The following FAM178B variants were observed in gnomAD, a reference collection of about 807,000 sequenced individuals.
The protein encoded by FAM178B is protein FAM178B.
FAM178B carries 82 observed loss-of-function variants against 91.7 expected under a neutral mutation model. That is an observed-to-expected ratio of 0.89 (90% CI 0.75 to 1.07). FAM178B has a LOEUF of 1.07. Ranked by LOEUF, FAM178B falls within the 50% of genes least tolerant of loss-of-function variation. FAM178B has a pLI of 0.00. For missense variants in FAM178B, 769 were observed against 846.7 expected, an observed-to-expected ratio of 0.91 and a Z score of 1.14; for synonymous variants, 368 against 359.4, an observed-to-expected ratio of 1.02 and a Z score of -0.27.
At chr2:96,882,385 C>G (rs1422941929) in intron 14 of FAM178B, among the ~76,000 whole-genome samples, 1 of 152,244 alleles carries the variant, frequency 6.6e-6, no homozygotes, top group Non-Finnish European at 1.5e-5. Flanking sequence ...TCCCTTCCCT[C>G]CAACGTGGCA....
chr2:96,891,612 C>T (rs910867357), intron 14 of FAM178B, among the ~76,000 whole-genome samples: 2 of 152,232 alleles, frequency 1.3e-5, no homozygotes, highest in Non-Finnish European at 2.9e-5. Flanking sequence ...AAAGGGACAA[C>T]TTTACTTGCC....
intron 12 of FAM178B, among the ~76,000 whole-genome samples, chr2:96,911,320 G>C (rs537252196): frequency 1.3e-5 from 2 of 152,334 alleles, no homozygotes; most frequent in East Asian, 3.9e-4. Flanking sequence ...TGAGGCTGAA[G>C]AGATGTGAAC....
At chr2:96,890,276 C>CTCAA (rs754173726) in intron 14 of FAM178B, among the ~76,000 whole-genome samples, 9 of 151,986 alleles carry the variant, frequency 5.9e-5, no homozygotes, top group African/African-American at 1.9e-4. Context: ...AAGACTCCGT[C>CTCAA]TCAATCAATC....
At chr2:96,929,070 A>G in intron 9 of FAM178B, 136 bp downstream of exon 9, 1 of 651,456 alleles carries the variant, frequency 1.5e-6, no homozygotes, top group South Asian at 1.8e-5. Flanking sequence ...AGGTGGGAGG[A>G]TCACTTGAGC....
intron 6 of FAM178B, 69 bp downstream of exon 6, chr2:96,960,219 C>T: frequency 6.6e-7 from 1 of 1,516,880 alleles, no homozygotes; most frequent in Non-Finnish European, 8.9e-7. Context: ...GGCCCTTATC[C>T]CTGGACTCCA....
chr2:96,904,752 C>A (rs1430352054), intron 12 of FAM178B, among the ~76,000 whole-genome samples: 1 of 151,910 alleles, frequency 6.6e-6, no homozygotes, highest in Admixed American at 6.6e-5. Context: ...GTACTCCACG[C>A]CTGCAGTCCC....
At chr2:96,901,362 CG>C (rs1231098962) in intron 13 of FAM178B, among the ~76,000 whole-genome samples, 1 of 151,342 alleles carries the variant, frequency 6.6e-6, no homozygotes, top group African/African-American at 2.4e-5. Flanking sequence ...TTAGTAGAGA[CG>C]GGGTTTCACC....
intron 6 of FAM178B, 86 bp downstream of exon 6, chr2:96,960,202 T>C: frequency 6.9e-7 from 1 of 1,449,204 alleles, no homozygotes; most frequent in Non-Finnish European, 9.2e-7. Context: ...ACTTCCCCCT[T>C]TGGGGTGGCC....
chr2:96,949,777 C>T (rs2153373290), intron 7 of FAM178B, among the ~76,000 whole-genome samples: 1 of 152,342 alleles, frequency 6.6e-6, no homozygotes, highest in Non-Finnish European at 1.5e-5. Context: ...GAACTCTGCA[C>T]TAACAGCGTG....
At chr2:96,901,935 T>C (rs2080941112) in intron 13 of FAM178B, among the ~76,000 whole-genome samples, 1 of 152,106 alleles carries the variant, frequency 6.6e-6, no homozygotes, top group African/African-American at 2.4e-5. Flanking sequence ...GTAGCTGAGA[T>C]TACAGGTGCC....
At chr2:96,962,024 T>TA (rs1444277475) in intron 5 of FAM178B, among the ~76,000 whole-genome samples, 3 of 152,232 alleles carry the variant, frequency 2.0e-5, no homozygotes, top group Non-Finnish European at 4.4e-5. Context: ...AACAAATTAT[T>TA]AAAAGCCTAG....
intron 6 of FAM178B, among the ~76,000 whole-genome samples, chr2:96,958,074 T>C (rs1251708741): frequency 1.3e-5 from 2 of 150,038 alleles, no homozygotes; most frequent in African/African-American, 4.9e-5. Context: ...AATCTTTTTT[T>C]TTTTTTTTTT....
At chr2:96,927,247 C>A (rs531826499) in intron 9 of FAM178B, among the ~76,000 whole-genome samples, 1 of 152,202 alleles carries the variant, frequency 6.6e-6, no homozygotes, top group African/African-American at 2.4e-5. Flanking sequence ...CCTCCTACCC[C>A]GAGGAAGACA....
At chr2:96,950,407 A>G (rs778059546) in intron 7 of FAM178B, among the ~76,000 whole-genome samples, 2 of 152,252 alleles carry the variant, frequency 1.3e-5, no homozygotes, top group Non-Finnish European at 2.9e-5. Context: ...GGTAAGGAGG[A>G]GCAAGGTGAA....
At chr2:96,885,509 G>T (rs550355467) in intron 14 of FAM178B, among the ~76,000 whole-genome samples, 1 of 152,250 alleles carries the variant, frequency 6.6e-6, no homozygotes, top group Non-Finnish European at 1.5e-5. Context: ...AGGCCATGGC[G>T]CATGGGGCTG....
At position 96,895,217 on chromosome 2, in the gene FAM178B, TC is replaced by T. The variant is rs967642757; in HGVS notation, c.1651-1167del. 1.9e-5 allele frequency: 14 copies of T among 735,356 alleles called. No individual in the cohort carries two copies. In the African/African-American group the frequency reaches 2.2e-4, roughly 12 times the overall value. The allele number at this position is 735,356 out of a possible 1,614,324, so 45.6% of individuals were successfully genotyped here. On this transcript the variant is annotated intron_variant, in intron 13 of 16. Transcript: ENST00000490605. ...AGCTTCTACAGAAAAGATAAGGATTTCCCCCCAATCTAATCATAATACCATT... is the reference window on the plus strand; with the variant it reads ...AGCTTCTACAGAAAAGATAAGGATTTCCCCCAATCTAATCATAATACCATT...
chr2:96,946,691 G>A (rs1045851077), intron 8 of FAM178B, among the ~76,000 whole-genome samples: 2 of 152,274 alleles, frequency 1.3e-5, no homozygotes, highest in African/African-American at 4.8e-5. Context: ...CTCAGCGGAG[G>A]AGACACATAC....
In FAM178B at chr2:96,905,812, A is replaced by G. The variant is rs1371854829; in HGVS notation, c.1563-3105T>C. On this transcript the variant is annotated intron_variant, in intron 12 of 16. Transcript: ENST00000490605. ...TATATATACACAAAAATATACATAT[A>G]TGTGTGTATATATATATATATATAT... Among the ~76,000 whole-genome samples, 356 of 68,474 alleles carry G rather than the reference A, an allele frequency of 5.2e-3. 5 individuals are homozygous for G. The highest frequency in any genetic ancestry group is 0.028 in the African/African-American group (287 of 10,330). The allele number at this position is 68,474 out of a possible 152,430, so 44.9% of individuals were successfully genotyped here.
intron 12 of FAM178B, among the ~76,000 whole-genome samples, chr2:96,919,158 GCA>G (rs2081291382): frequency 6.6e-6 from 1 of 152,182 alleles, no homozygotes; most frequent in Non-Finnish European, 1.5e-5. Context: ...GACTACAGTG[GCA>G]CACACACTAG....
Sources: gnomAD v4.1 joint callset for allele counts (sites outside exome capture counted in the v4.1 genomes callset) on GRCh38, gnomAD v4.1.1 for gene constraint, MANE v1.5 for transcripts, NCBI Gene and HGNC (gene_info 2026-07-23, HGNC 2026-07-21) for gene names.